The following NAALADL2 variants were observed in gnomAD, a reference collection of about 807,000 sequenced individuals.
The protein encoded by NAALADL2 is inactive N-acetylated-alpha-linked acidic dipeptidase-like protein 2.
In NAALADL2, 76 loss-of-function variants were observed where a neutral mutation model predicts 87.2. The ratio of observed to expected loss-of-function variants is 0.87; its 90% CI spans 0.72 to 1.05. NAALADL2 has a LOEUF of 1.05. NAALADL2 is among the 50% of genes least tolerant of loss of function. The pLI is 0.00. For missense variants in NAALADL2, 1,089 were observed against 945.8 expected (o/e 1.15, Z -1.99); for synonymous variants, 354 against 331.0 (o/e 1.07, Z -0.75).
At chr3:174,639,730 A>C (rs1722988260) in intron 2 of NAALADL2, among the ~76,000 whole-genome samples, 1 of 152,178 alleles carries the variant, frequency 6.6e-6, no homozygotes, top group South Asian at 2.1e-4. Context: ...AAAAGTCTGT[A>C]CCTTCTTGCA....
intron 11 of NAALADL2, among the ~76,000 whole-genome samples, chr3:175,736,131 G>A (rs1453387564): frequency 2.0e-5 from 3 of 152,202 alleles, no homozygotes; most frequent in Non-Finnish European, 4.4e-5. Flanking sequence ...GGTCCTTTGA[G>A]ATGTGTATGA....
At chr3:175,324,130 T>C in intron 4 of NAALADL2, 45 bp from the exon 5 acceptor site, 1 of 1,569,556 alleles carries the variant, frequency 6.4e-7, no homozygotes, top group Non-Finnish European at 8.7e-7. Flanking sequence ...TATGAACTTT[T>C]AATGTGCATG....
intron 2 of NAALADL2, among the ~76,000 whole-genome samples, chr3:175,117,569 C>A (rs533111230): frequency 6.6e-6 from 1 of 150,568 alleles, no homozygotes; most frequent in East Asian, 2.0e-4. Flanking sequence ...CAATGAGGTA[C>A]CATCTCACAC....
intron 9 of NAALADL2, among the ~76,000 whole-genome samples, chr3:175,542,356 A>G (rs974787087): frequency 6.6e-6 from 1 of 152,176 alleles, no homozygotes; most frequent in Non-Finnish European, 1.5e-5. Flanking sequence ...TTCTAAAGAA[A>G]ACCCCCAAAT....
intron 1 of NAALADL2, among the ~76,000 whole-genome samples, chr3:174,871,005 CTT>C (rs1392387866): frequency 6.6e-6 from 1 of 152,142 alleles, no homozygotes; most frequent in African/African-American, 2.4e-5. Flanking sequence ...ATTCCTGACA[CTT>C]TTATTGAAGG....
chr3:174,742,130 A>C (rs1389178211), intron 3 of NAALADL2, among the ~76,000 whole-genome samples: 1 of 151,682 alleles, frequency 6.6e-6, no homozygotes, highest in Non-Finnish European at 1.5e-5. Context: ...CCTAGGTAAC[A>C]TACTAACATT....
chr3:175,507,192 C>A (rs748599618), intron 9 of NAALADL2, among the ~76,000 whole-genome samples: 1 of 151,916 alleles, frequency 6.6e-6, no homozygotes, highest in South Asian at 2.1e-4. Context: ...GTTTCATCCT[C>A]TCTTCTTCTC....
chr3:175,048,328 A>G (rs1754928829), intron 1 of NAALADL2, among the ~76,000 whole-genome samples: 1 of 152,036 alleles, frequency 6.6e-6, no homozygotes, highest in Non-Finnish European at 1.5e-5. Flanking sequence ...GTAGAAAGAA[A>G]GCAAAAATTG....
chr3:174,580,232 A>G (rs1276927126), intron 2 of NAALADL2, among the ~76,000 whole-genome samples: 1 of 152,122 alleles, frequency 6.6e-6, no homozygotes, highest in Non-Finnish European at 1.5e-5. Context: ...GGTAACAAAA[A>G]GTTACACACT....
chr3:175,577,874 T>C (rs1049877864), intron 10 of NAALADL2, among the ~76,000 whole-genome samples: 1 of 152,136 alleles, frequency 6.6e-6, no homozygotes, highest in African/African-American at 2.4e-5. Context: ...GATATTGGTA[T>C]ACAGCTATTA....
chr3:174,649,940 A>G (rs77048163), intron 2 of NAALADL2, among the ~76,000 whole-genome samples: 4 of 152,258 alleles, frequency 2.6e-5, no homozygotes, highest in Non-Finnish European at 5.9e-5. Context: ...CATTTCTTGC[A>G]CTTCTCTTGA....
At position 175,172,673 on chromosome 3, in the gene NAALADL2, A is replaced by T. The variant is rs545316009; in HGVS notation, c.546-61258A>T. On this transcript the variant is annotated intron_variant, in intron 2 of 13. Coordinates refer to ENST00000454872, the MANE Select transcript of NAALADL2 (RefSeq NM_207015.3). ...AGTTGCTTATGACTTATGTTAATAC[A>T]TACTAGGTGGTAAGATACTAATTAT... 3.4e-3 allele frequency among the ~76,000 whole-genome samples: 512 copies of T among 152,282 alleles called. 3 individuals are homozygous for T. Among genetic ancestry groups the T allele is most frequent in the African/African-American group, 0.012 (480 of 41,576 alleles).
At chr3:175,689,213 A>G (rs986538943) in intron 11 of NAALADL2, among the ~76,000 whole-genome samples, 6 of 152,208 alleles carry the variant, frequency 3.9e-5, no homozygotes, top group Non-Finnish European at 7.3e-5. Context: ...CAAGTGTTAG[A>G]TGTAAAGGAG....
chr3:175,737,378 GAAGTTCAAAACA>G lies in NAALADL2; in HGVS notation c.1971_1982del (p.Glu657_Asn661delinsAsp). 1 of 1,605,866 alleles carries G rather than the reference GAAGTTCAAAACA, an allele frequency of 6.2e-7. No individual in the cohort carries two copies. Among genetic ancestry groups the G allele is most frequent in the Admixed American group, 1.7e-5 (1 of 59,752 alleles). ...CTTTAATGCACTTGATATAGCTTTA[GAAGTTCAAAACA>G]ACCTTAAAGGTAATTTTCCTTTGAA... On this transcript the variant is annotated inframe_deletion, in exon 12 of 14. Coordinates refer to ENST00000454872, the MANE Select transcript of NAALADL2 (RefSeq NM_207015.3).
At chr3:175,630,162 A>G (rs1413284994) in intron 11 of NAALADL2, among the ~76,000 whole-genome samples, 1 of 151,774 alleles carries the variant, frequency 6.6e-6, no homozygotes, top group African/African-American at 2.4e-5. Flanking sequence ...TATTTCACCA[A>G]TAGCAGAACT....
intron 1 of NAALADL2, among the ~76,000 whole-genome samples, chr3:174,877,428 A>G (rs1454596204): frequency 1.3e-5 from 2 of 152,004 alleles, no homozygotes; most frequent in Non-Finnish European, 2.9e-5. Flanking sequence ...CATTACTTCA[A>G]TCTCCATTCC....
At position 175,228,664 on chromosome 3, in the gene NAALADL2, A is replaced by G. The variant is rs376332381; in HGVS notation, c.546-5267A>G. 7.8e-4 allele frequency among the ~76,000 whole-genome samples: 119 copies of G among 152,138 alleles called. 1 individual carries two copies. Among genetic ancestry groups the G allele is most frequent in the Non-Finnish European group, 1.4e-3 (96 of 67,886 alleles). ...ATTAAAATCATTAAATCAGCAGTTC[A>G]TAGTTCTCCCATAATGAGAATATCA... On this transcript the variant is annotated intron_variant, in intron 2 of 13. Transcript: ENST00000454872.
intron 1 of NAALADL2, among the ~76,000 whole-genome samples, chr3:174,893,121 T>C (rs1051898713): frequency 2.0e-5 from 3 of 152,034 alleles, no homozygotes; most frequent in African/African-American, 7.3e-5. Flanking sequence ...CAGTGGAAAC[T>C]TTACAGGCCA....
intron 2 of NAALADL2, among the ~76,000 whole-genome samples, chr3:174,719,483 T>C (rs1731505594): frequency 6.6e-6 from 1 of 152,232 alleles, no homozygotes; most frequent in African/African-American, 2.4e-5. Context: ...TTCTTATGTT[T>C]TCTATATTTT....
Sources: gnomAD v4.1 joint callset for allele counts (sites outside exome capture counted in the v4.1 genomes callset) on GRCh38, gnomAD v4.1.1 for gene constraint, MANE v1.5 for transcripts, NCBI Gene and HGNC (gene_info 2026-07-23, HGNC 2026-07-21) for gene names.